The following EPHA7 variants were observed in gnomAD, a reference collection of about 807,000 sequenced individuals.
EPHA7 encodes ephrin type-A receptor 7.
In EPHA7, 25 loss-of-function variants were observed where a neutral mutation model predicts 112.6. The observed-to-expected ratio is 0.22, with a 90% CI of 0.16 to 0.31. The LOEUF (loss-of-function observed/expected upper bound fraction) is 0.31, where lower values mean the gene tolerates loss of function less well. Among genes scored for constraint, EPHA7 ranks in the 10% least tolerant of loss-of-function variants. The pLI is 1.00. For missense variants in EPHA7, 962 were observed against 1,212.6 expected (o/e 0.79, Z 3.07); for synonymous variants, 437 against 406.5 (o/e 1.07, Z -0.90).
At position 93,396,791 on chromosome 6, in the gene EPHA7, A is replaced by G. The variant is rs1159242472; in HGVS notation, c.832+13710T>C. Reference sequence around the variant, plus strand: ...AACTTCAGAGTTAGCCAATAAATGTATGCAACATAAATATAAATATGACAA... The same window carrying G: ...AACTTCAGAGTTAGCCAATAAATGTGTGCAACATAAATATAAATATGACAA... On this transcript the variant is annotated intron_variant, in intron 3 of 16. Transcript: ENST00000369303. Among the ~76,000 whole-genome samples the G allele has an allele frequency of 2.0e-5, 3 of 151,824 alleles. No homozygotes were observed. In the South Asian group the frequency reaches 6.2e-4, roughly 31 times the overall value.
chr6:93,358,306 T>G lies in EPHA7; in HGVS notation c.938A>C (p.Glu313Ala). The change falls in exon 4 of 17, where the codon GAA becomes GCA. Residue 313 changes from glutamate to alanine, a missense_variant. By Grantham distance (107) the Glu-to-Ala change is moderately radical. Transcript: ENST00000369303. ...AGATGGAGCCCTGTAATACCCATCT[T>G]CACATTCACATCTGGAGGAGCCTTC... ...DKEGSSRCECEDGYYRAPSDP... is the reference protein window; with the variant it reads ...DKEGSSRCECADGYYRAPSDP... The G allele has an allele frequency of 6.2e-7, 1 of 1,613,684 alleles. No individual in the cohort carries two copies. The highest frequency in any genetic ancestry group is 8.5e-7 in the Non-Finnish European group (1 of 1,179,768).
chr6:93,269,472 A>G lies in EPHA7; in HGVS notation c.1633+5T>C. The G allele has an allele frequency of 6.2e-7, 1 of 1,609,974 alleles. No individual in the cohort carries two copies. Among genetic ancestry groups the G allele is most frequent in the African/African-American group, 1.3e-5 (1 of 74,696 alleles). On this transcript the variant is annotated splice_donor_5th_base_variant and intron_variant, in intron 7 of 16. Transcript: ENST00000369303. ...AGTAGGAATCCAAACCAAAGGCATAATTACCTTCAAACATTTTACCTGTAG... is the reference window on the plus strand; with the variant it reads ...AGTAGGAATCCAAACCAAAGGCATAGTTACCTTCAAACATTTTACCTGTAG...
At chr6:93,383,681 G>A (rs1186437135) in intron 3 of EPHA7, among the ~76,000 whole-genome samples, 3 of 152,114 alleles carry the variant, frequency 2.0e-5, no homozygotes, top group African/African-American at 7.2e-5. Context: ...AGGGCTTCCT[G>A]GAGGAGTAAT....
chr6:93,241,292 A>T lies in EPHA7; in HGVS notation c.*2134T>A, dbSNP rs576766958. On this transcript the variant is annotated 3_prime_UTR_variant, in exon 17 of 17. Coordinates refer to ENST00000369303, the MANE Select transcript of EPHA7 (RefSeq NM_004440.4). ...CTAGAATCCAAAAGGAATTAAGAAC[A>T]CTCACTCAAACTCTTTCACTCATTC... 8.2e-5 allele frequency: 18 copies of T among 220,612 alleles called. No homozygotes were observed. The highest frequency in any genetic ancestry group is 4.0e-4 in the African/African-American group (18 of 44,772). The allele number at this position is 220,612 out of a possible 1,614,324, so 13.7% of individuals were successfully genotyped here.
chr6:93,338,131 T>C (rs1288078914), intron 5 of EPHA7, among the ~76,000 whole-genome samples: 2 of 152,004 alleles, frequency 1.3e-5, no homozygotes, highest in East Asian at 1.9e-4. Context: ...GGAGTAGAAA[T>C]GTAAAAGAAA....
chr6:93,394,469 A>G (rs1582660339), intron 3 of EPHA7, among the ~76,000 whole-genome samples: 1 of 151,726 alleles, frequency 6.6e-6, no homozygotes, highest in Non-Finnish European at 1.5e-5. Context: ...GAAAATAAGA[A>G]GAACTGACTA....
intron 9 of EPHA7, among the ~76,000 whole-genome samples, chr6:93,262,214 CAT>C (rs755949127): frequency 1.9e-4 from 29 of 151,430 alleles, no homozygotes; most frequent in Admixed American, 4.6e-4. Flanking sequence ...AATATTCTCA[CAT>C]GTTATTAAAT....
intron 5 of EPHA7, among the ~76,000 whole-genome samples, chr6:93,314,863 T>G (rs944243642): frequency 7.2e-6 from 1 of 139,266 alleles, no homozygotes; most frequent in African/African-American, 2.7e-5. Context: ...ATTTTCTTTT[T>G]TTTTTTTTTT....
At chr6:93,381,347 TG>T (rs1262956766) in intron 3 of EPHA7, among the ~76,000 whole-genome samples, 2 of 152,184 alleles carry the variant, frequency 1.3e-5, no homozygotes, top group African/African-American at 2.4e-5. Context: ...CTGAAGAAAT[TG>T]TGGGGAACCC....
intron 5 of EPHA7, among the ~76,000 whole-genome samples, chr6:93,352,696 T>C (rs1390496859): frequency 6.6e-6 from 1 of 152,032 alleles, no homozygotes; most frequent in Non-Finnish European, 1.5e-5. Flanking sequence ...CAAACTAATA[T>C]TAAAAAGCAG....
chr6:93,269,694 T>C (rs1771116699), intron 6 of EPHA7, 34 bp from the exon 7 acceptor site: 1 of 1,453,768 alleles, frequency 6.9e-7, no homozygotes, highest in African/African-American at 1.5e-5. Context: ...TATTTAATTG[T>C]GATTGCAACC....
rs1196382300 is a variant in EPHA7 at position 93,419,330 on chromosome 6, T to C, written c.12A>G (p.Gln4=). The C allele has an allele frequency of 4.3e-6, 7 of 1,613,634 alleles. No homozygotes were observed. The East Asian group carries it at 1.1e-4, about 26-fold the overall frequency. MVF[Q]TRYPSWIILC... is the part of the protein sequence containing the mutation. ...AAATAATCCATGAAGGGTACCGAGT[T>C]TGAAAAACCATGGTGCATGAGCAGG... is the stretch of plus-strand genomic sequence containing the variant. The change falls in exon 1 of 17, where the codon CAA becomes CAG. Residue 4 remains glutamine (Q), a synonymous_variant. Transcript: ENST00000369303.
chr6:93,316,899 C>T (rs1773841610), intron 5 of EPHA7, among the ~76,000 whole-genome samples: 1 of 151,992 alleles, frequency 6.6e-6, no homozygotes, highest in Non-Finnish European at 1.5e-5. Flanking sequence ...CATTTAGAAG[C>T]CAGTTGGAAA....
intron 8 of EPHA7, 109 bp from the exon 9 acceptor site, chr6:93,264,024 T>C (rs2127868008): frequency 1.5e-6 from 1 of 682,506 alleles, no homozygotes; most frequent in South Asian, 2.6e-5. Context: ...AAATTTACTG[T>C]TCATAGTTAT....
At chr6:93,248,716 G>T (rs1770071532) in intron 14 of EPHA7, among the ~76,000 whole-genome samples, 1 of 151,388 alleles carries the variant, frequency 6.6e-6, no homozygotes, top group Non-Finnish European at 1.5e-5. Flanking sequence ...AAAAAACGGA[G>T]TCTTGCTCTG....
intron 5 of EPHA7, among the ~76,000 whole-genome samples, chr6:93,280,881 C>T (rs1186437038): frequency 6.6e-6 from 1 of 151,998 alleles, no homozygotes; most frequent in African/African-American, 2.4e-5. Context: ...CCTGGGACAC[C>T]TTCCAGAATA....
intron 5 of EPHA7, among the ~76,000 whole-genome samples, chr6:93,355,725 A>C (rs1010468474): frequency 6.6e-6 from 1 of 152,296 alleles, no homozygotes; most frequent in African/African-American, 2.4e-5. Flanking sequence ...ATTTTCCAAA[A>C]CATAACTAAC....
chr6:93,370,863 C>T (rs532290803), intron 3 of EPHA7, among the ~76,000 whole-genome samples: 26 of 151,874 alleles, frequency 1.7e-4, no homozygotes, highest in Non-Finnish European at 2.2e-4. Flanking sequence ...AAAGCACAGT[C>T]GGCAAGGCGC....
At chr6:93,256,905 A>T (rs904246111) in intron 12 of EPHA7, among the ~76,000 whole-genome samples, 4 of 151,470 alleles carry the variant, frequency 2.6e-5, no homozygotes, top group Non-Finnish European at 4.4e-5. Flanking sequence ...AAATGTTCAC[A>T]TGTTAATATT....
Sources: gnomAD v4.1 joint callset for allele counts (sites outside exome capture counted in the v4.1 genomes callset) on GRCh38, gnomAD v4.1.1 for gene constraint, MANE v1.5 for transcripts, NCBI Gene and HGNC (gene_info 2026-07-23, HGNC 2026-07-21) for gene names.